ATP6V1C2: variants seen among roughly 807,000 people sequenced by gnomAD.
ATP6V1C2 encodes the protein V-type proton ATPase subunit C 2.
A neutral mutation model predicts 56.8 loss-of-function variants in ATP6V1C2; 45 were observed. The ratio of observed to expected loss-of-function variants is 0.79; its 90% CI spans 0.62 to 1.02. The LOEUF is 1.02. Ranked by LOEUF, ATP6V1C2 falls within the 50% of genes least tolerant of loss-of-function variation. The pLI is 0.00. For synonymous variants in ATP6V1C2, 220 were observed against 201.3 expected (o/e 1.09, Z -0.79); for missense variants, 463 against 519.7 (o/e 0.89, Z 1.06).
intron 2 of ATP6V1C2, 132 bp from the exon 3 acceptor site, chr2:10,726,370 A>G (rs1175056600): frequency 2.8e-6 from 2 of 721,972 alleles, no homozygotes; most frequent in Non-Finnish European, 5.0e-6. Flanking sequence ...AGTTTTTTCT[A>G]CTTTCCACTT....
chr2:10,759,580 G>A (rs769109675), intron 4 of ATP6V1C2, among the ~76,000 whole-genome samples: 18 of 152,126 alleles, frequency 1.2e-4, no homozygotes, highest in African/African-American at 3.6e-4. Context: ...CAAGGTCTGC[G>A]TTGCCCCCTC....
intron 10 of ATP6V1C2, among the ~76,000 whole-genome samples, chr2:10,775,603 C>A (rs1664912351): frequency 6.6e-6 from 1 of 152,204 alleles, no homozygotes; most frequent in African/African-American, 2.4e-5. Context: ...AGACTTCCGA[C>A]CACAGCCACT....
intron 3 of ATP6V1C2, among the ~76,000 whole-genome samples, chr2:10,743,254 AAT>A (rs1351227203): frequency 5.3e-5 from 8 of 151,838 alleles, no homozygotes; most frequent in Admixed American, 4.6e-4. Flanking sequence ...ACCCATGGCT[AAT>A]ATTTATTTAT....
At chr2:10,772,431 C>A in intron 7 of ATP6V1C2, 111 bp from the exon 8 acceptor site, 2 of 909,918 alleles carry the variant, frequency 2.2e-6, no homozygotes, top group Admixed American at 1.7e-5. Flanking sequence ...CTGACCCCAT[C>A]CCTGCTCACC....
At chr2:10,782,194 G>C in intron 12 of ATP6V1C2, 49 bp from the exon 13 acceptor site, 1 of 1,607,488 alleles carries the variant, frequency 6.2e-7, no homozygotes, top group Non-Finnish European at 8.5e-7. Context: ...CCTTCTATCC[G>C]TGTTTGCATT....
rs537085700 is a variant in ATP6V1C2, at chr2:10,767,866, G to A, written c.379-853G>A. On this transcript the variant is annotated intron_variant, in intron 5 of 13. Transcript: ENST00000272238. ...TATCTTTAAAATAATAATATCATCC[G>A]AGCTGTGATCATCGCCCCCATTCCC... The A allele has an allele frequency of 4.0e-5, 6 of 151,618 alleles. No homozygotes were observed. The East Asian group carries it at 7.7e-4, about 20-fold the overall frequency. The allele number at this position is 151,618 out of a possible 1,614,324, so 9.4% of individuals were successfully genotyped here. A position where few individuals can be genotyped will look rare whatever the true frequency, so the allele number is the denominator to read the frequency against.
upstream of ATP6V1C2, chr2:10,720,950 C>G (rs2148395141): frequency 6.6e-6 from 1 of 152,338 alleles, no homozygotes; most frequent in Admixed American, 6.5e-5. Flanking sequence ...TTTCCCCCTC[C>G]TGGTTCCAGA....
intron 10 of ATP6V1C2, among the ~76,000 whole-genome samples, chr2:10,775,753 C>T (rs1425237163): frequency 3.3e-5 from 5 of 152,166 alleles, no homozygotes; most frequent in African/African-American, 1.2e-4. Flanking sequence ...CTCAGGTTCT[C>T]CTGCTGCGAT....
At position 10,726,012 on chromosome 2, in the gene ATP6V1C2, G is replaced by A. The variant is rs548582142; in HGVS notation, c.130-490G>A. 4.6e-5 allele frequency among the ~76,000 whole-genome samples: 7 copies of A among 152,120 alleles called. No homozygotes were observed. In the East Asian group the frequency reaches 5.9e-4, roughly 13 times the overall value. ...GGAGAATCACTTGAATCCAGGAGGCGGAGGTTGAGGTGAGCCGAGATCGTG... is the reference window on the plus strand; with the variant it reads ...GGAGAATCACTTGAATCCAGGAGGCAGAGGTTGAGGTGAGCCGAGATCGTG... On this transcript the variant is annotated intron_variant, in intron 2 of 13. Coordinates refer to ENST00000272238, the MANE Select transcript of ATP6V1C2 (RefSeq NM_001039362.2).
intron 10 of ATP6V1C2, among the ~76,000 whole-genome samples, chr2:10,775,886 G>A (rs747555990): frequency 2.0e-5 from 3 of 152,192 alleles, no homozygotes; most frequent in Non-Finnish European, 4.4e-5. Flanking sequence ...CTAGTGACAG[G>A]GCAGGAGGAA....
At chr2:10,728,375 C>T (rs1661761075) in intron 3 of ATP6V1C2, among the ~76,000 whole-genome samples, 1 of 152,196 alleles carries the variant, frequency 6.6e-6, no homozygotes, top group African/African-American at 2.4e-5. Context: ...TGACTCACCA[C>T]ATTCAGCCTT....
chr2:10,765,451 G>T (rs572322195), intron 5 of ATP6V1C2, among the ~76,000 whole-genome samples: 1 of 152,372 alleles, frequency 6.6e-6, no homozygotes, highest in South Asian at 2.1e-4. Flanking sequence ...CCTGGGCCAG[G>T]AACAAAGGCA....
At chr2:10,779,543 G>A (rs560410379) in intron 12 of ATP6V1C2, among the ~76,000 whole-genome samples, 2 of 150,846 alleles carry the variant, frequency 1.3e-5, no homozygotes, top group African/African-American at 2.4e-5. Flanking sequence ...AAAATTAGCC[G>A]GGTGTGGTGG....
chr2:10,728,297 T>G (rs1418488482), intron 3 of ATP6V1C2, among the ~76,000 whole-genome samples: 1 of 152,166 alleles, frequency 6.6e-6, no homozygotes, highest in Admixed American at 6.5e-5. Context: ...TTTCCCAGGC[T>G]GGCCTTGAAC....
At chr2:10,774,496 C>G (rs1188294829) in intron 8 of ATP6V1C2, among the ~76,000 whole-genome samples, 2 of 152,220 alleles carry the variant, frequency 1.3e-5, no homozygotes, top group African/African-American at 4.8e-5. Context: ...GTGACGGAGG[C>G]CCAGGAGGGC....
At chr2:10,777,514 C>T (rs1317505250) in intron 10 of ATP6V1C2, 71 bp from the exon 11 acceptor site, 9 of 1,567,810 alleles carry the variant, frequency 5.7e-6, no homozygotes, top group South Asian at 1.2e-5. Flanking sequence ...GCCTTTCAGG[C>T]GATGAGAATG....
chr2:10,764,225 A>G, intron 4 of ATP6V1C2, 106 bp from the exon 5 acceptor site: 1 of 1,009,946 alleles, frequency 9.9e-7, no homozygotes. Context: ...GTTGCCCATG[A>G]TGGCTGCCTT....
At position 10,782,226 on chromosome 2, in the gene ATP6V1C2, T is replaced by C; in HGVS notation, c.1062-17T>C. 6.2e-7 allele frequency: 1 copy of C among 1,613,494 alleles called. No individual in the cohort carries two copies. ...CATTTGGAGCAGTGAACTGACACAT[T>C]TTGTCTATCTGAAAAGGTATGGACT... On this transcript the variant is annotated splice_polypyrimidine_tract_variant and intron_variant, in intron 12 of 13. Coordinates refer to ENST00000272238, the MANE Select transcript of ATP6V1C2 (RefSeq NM_001039362.2).
rs1665286973 is a variant in ATP6V1C2, at chr2:10,780,612, G to A, written c.1062-1631G>A. On this transcript the variant is annotated intron_variant, in intron 12 of 13. Coordinates refer to ENST00000272238, the MANE Select transcript of ATP6V1C2 (RefSeq NM_001039362.2). The surrounding 1 kb of genome is among the most constrained non-coding windows in gnomAD (Gnocchi z 4.1). Reference sequence around the variant, plus strand: ...GCCATCTCTAATATACATGGCCCCAGATCAACCCTGCCCGGCTCAGAAGTC... The same window carrying A: ...GCCATCTCTAATATACATGGCCCCAAATCAACCCTGCCCGGCTCAGAAGTC... Among the ~76,000 whole-genome samples, 1 of 152,220 alleles carries A rather than the reference G, an allele frequency of 6.6e-6. No individual in the cohort carries two copies. Among genetic ancestry groups the A allele is most frequent in the Non-Finnish European group, 1.5e-5 (1 of 68,042 alleles).
Sources: allele counts gnomAD v4.1 joint callset (sites outside exome capture counted in the v4.1 genomes callset), GRCh38; gene constraint gnomAD v4.1.1; non-coding constraint Gnocchi (gnomAD v3.1); transcripts MANE v1.5; gene names NCBI Gene and HGNC (gene_info 2026-07-23, HGNC 2026-07-21).